Variants in HUNK observed in about 807,000 individuals in gnomAD.
The protein encoded by HUNK is hormonally up-regulated neu tumor-associated kinase.
A neutral mutation model predicts 61.0 loss-of-function variants in HUNK; 21 were observed. That is an observed-to-expected ratio of 0.34 (90% CI 0.24 to 0.50). The LOEUF (loss-of-function observed/expected upper bound fraction) is 0.50. Ranked by LOEUF, HUNK falls within the 20% of genes least tolerant of loss-of-function variation. The probability of loss-of-function intolerance (pLI) is 0.98; values close to 1 mark genes in which losing one functional copy is unlikely to be tolerated. For synonymous variants in HUNK, 371 were observed against 386.1 expected (o/e 0.96, Z 0.46); for missense variants, 772 against 945.7 (o/e 0.82, Z 2.41).
intron 8 of HUNK, among the ~76,000 whole-genome samples, chr21:31,984,398 A>T (rs976422586): frequency 2.6e-5 from 4 of 152,232 alleles, no homozygotes; most frequent in Non-Finnish European, 5.9e-5. Context: ...AAGGAAAAAA[A>T]TGCAAATGCT....
intron 4 of HUNK, among the ~76,000 whole-genome samples, chr21:31,952,532 C>G (rs570983729): frequency 2.6e-5 from 4 of 152,158 alleles, no homozygotes; most frequent in African/African-American, 9.7e-5. Flanking sequence ...AGCGACTTCT[C>G]CAGGGAGCAG....
At chr21:31,930,870 G>A (rs2052691635) in intron 2 of HUNK, among the ~76,000 whole-genome samples, 1 of 152,022 alleles carries the variant, frequency 6.6e-6, no homozygotes, top group South Asian at 2.1e-4. Context: ...TCTAGTGAAT[G>A]GGTCTTTCAG....
chr21:31,977,156 A>T (rs540092031), intron 7 of HUNK, among the ~76,000 whole-genome samples: 2 of 152,346 alleles, frequency 1.3e-5, no homozygotes, highest in Non-Finnish European at 1.5e-5. Context: ...CTTATAGCGT[A>T]CATGATATAT....
intron 1 of HUNK, among the ~76,000 whole-genome samples, chr21:31,911,189 C>T (rs2052543491): frequency 6.6e-6 from 1 of 152,188 alleles, no homozygotes; most frequent in Non-Finnish European, 1.5e-5. Context: ...GGGGGCTGTT[C>T]TGGATGTGGT....
chr21:31,886,281 G>T (rs1242412471), intron 1 of HUNK, among the ~76,000 whole-genome samples: 1 of 152,056 alleles, frequency 6.6e-6, no homozygotes, highest in Non-Finnish European at 1.5e-5. Context: ...AATTATCTGG[G>T]TGTGGTGGTG....
intron 4 of HUNK, among the ~76,000 whole-genome samples, chr21:31,949,106 G>C (rs1164653779): frequency 6.6e-6 from 1 of 152,208 alleles, no homozygotes. Flanking sequence ...AGGCACACAC[G>C]AGCCCGAATG....
chr21:31,948,277 C>A (rs1242393095), intron 4 of HUNK, among the ~76,000 whole-genome samples: 2 of 152,226 alleles, frequency 1.3e-5, no homozygotes, highest in African/African-American at 2.4e-5. Context: ...GCTAACCTGG[C>A]ATTGTTTCCT....
At chr21:31,881,577 T>G (rs1243651816) in intron 1 of HUNK, among the ~76,000 whole-genome samples, 1 of 152,078 alleles carries the variant, frequency 6.6e-6, no homozygotes, top group African/African-American at 2.4e-5. Flanking sequence ...GAGCCGAGAT[T>G]GTGCCACTGC....
At chr21:31,977,102 C>T (rs930793004) in intron 7 of HUNK, among the ~76,000 whole-genome samples, 8 of 152,208 alleles carry the variant, frequency 5.3e-5, no homozygotes, top group African/African-American at 1.9e-4. Flanking sequence ...ACTATATTCC[C>T]CAAACTTCTT....
Position 32,000,366 on chromosome 21 carries a change from A to G in HUNK, c.*1182A>G. 2 of 399,092 alleles carry G rather than the reference A, an allele frequency of 5.0e-6. No homozygotes were observed. Among genetic ancestry groups the G allele is most frequent in the Admixed American group, 8.8e-5 (2 of 22,736 alleles). The allele number at this position is 399,092 out of a possible 1,614,324, so 24.7% of individuals were successfully genotyped here. ...AAGCTCCTCAAACAGGGTTCAGTCC[A>G]CGTTGTGTTTTCACACCTTTCTCCA... On this transcript the variant is annotated 3_prime_UTR_variant, in exon 11 of 11. Coordinates refer to ENST00000270112, the MANE Select transcript of HUNK (RefSeq NM_014586.2).
At chr21:31,938,872 A>G (rs1389146304) in intron 2 of HUNK, among the ~76,000 whole-genome samples, 1 of 152,242 alleles carries the variant, frequency 6.6e-6, no homozygotes, top group Non-Finnish European at 1.5e-5. Context: ...ATTGACCTAG[A>G]TGGTTTTGAT....
At chr21:31,991,034 G>T (rs1455211863) in intron 9 of HUNK, among the ~76,000 whole-genome samples, 1 of 152,200 alleles carries the variant, frequency 6.6e-6, no homozygotes, top group African/African-American at 2.4e-5. Flanking sequence ...GCAGAATCCT[G>T]TTGTGAGTGA....
In HUNK at chr21:31,968,234, C is replaced by T; in HGVS notation, c.875-16C>T. The stretch of plus-strand genomic sequence containing the variant: ...AGCCTGTAACATGCGTGCATTCTTT[C>T]CCAAATGTCTCCCAGGTGCCATCAG... On this transcript the variant is annotated splice_polypyrimidine_tract_variant and intron_variant, in intron 5 of 10. Transcript: ENST00000270112. The T allele has an allele frequency of 6.2e-7, 1 of 1,614,094 alleles. No individual in the cohort carries two copies. Among genetic ancestry groups the T allele is most frequent in the Non-Finnish European group, 8.5e-7 (1 of 1,179,980 alleles).
intron 3 of HUNK, among the ~76,000 whole-genome samples, chr21:31,941,627 GT>G (rs1352056008): frequency 6.6e-6 from 1 of 152,060 alleles, no homozygotes; most frequent in Admixed American, 6.6e-5. Context: ...TTGTTAAATT[GT>G]TTTACTATTG....
chr21:31,884,270 G>A (rs2052330177), intron 1 of HUNK, among the ~76,000 whole-genome samples: 1 of 152,042 alleles, frequency 6.6e-6, no homozygotes, highest in African/African-American at 2.4e-5. Context: ...TATAAAAGGT[G>A]CCTGACTGAG....
intron 5 of HUNK, among the ~76,000 whole-genome samples, chr21:31,965,613 T>TTTTTTTTTTTA (rs1555880359): frequency 1.4e-5 from 2 of 143,960 alleles, no homozygotes; most frequent in African/African-American, 5.4e-5. Flanking sequence ...TTTTTTTTTT[T>TTTTTTTTTTTA]AATTTTGAGA....
In HUNK at chr21:31,978,804, G is replaced by A. The variant is rs116720923; in HGVS notation, c.1173+4087G>A. On this transcript the variant is annotated intron_variant, in intron 7 of 10. Transcript: ENST00000270112. ...TTGAACATGGGGTGGGGGTGCATATGTGTCTTCAACATACTGATTTCATCT... is the reference window on the plus strand; with the variant it reads ...TTGAACATGGGGTGGGGGTGCATATATGTCTTCAACATACTGATTTCATCT... 2.3e-3 allele frequency among the ~76,000 whole-genome samples: 348 copies of A among 152,238 alleles called. 2 individuals carry two copies. Among genetic ancestry groups the A allele is most frequent in the African/African-American group, 7.7e-3 (322 of 41,562 alleles).
Position 31,998,822 on chromosome 21 carries a change from A to G in HUNK, c.1783A>G (p.Ser595Gly), listed in dbSNP as rs112400046. 169 of 1,614,170 alleles carry G rather than the reference A, an allele frequency of 1.0e-4. 1 individual carries two copies. In the African/African-American group the frequency reaches 1.9e-3, roughly 18 times the overall value. The change falls in exon 11 of 11, where the codon AGC becomes GGC. Residue 595 changes from serine to glycine, a missense_variant. Transcript: ENST00000270112. ...GGTCAGCTTGGCTCGCAGAAATTCC[A>G]GCGAGAGGACGCTGTCCCCGGGTCT... ...SPVSLARRNS[S>G]ERTLSPGLPS...
rs753282638 is a variant in HUNK, at chr21:31,873,927, G to A, written c.253G>A (p.Gly85Arg). ...KVREGLHVLT[G>R]EKVAIKVIDK... ...GCGCGAGGGGCTGCACGTGCTGACC[G>A]GGGAGAAGGTGAGTCTCCCGGGCGC... Residue 85 changes from glycine to arginine, a missense_variant, in exon 1 of 11, where the codon GGG becomes AGG. By Grantham distance (125) the Gly-to-Arg change is moderately radical (BLOSUM62 -2). This residue lies in a region of HUNK where 359 missense variants were observed against 501.3 expected (regional missense o/e 0.72). Coordinates refer to ENST00000270112, the MANE Select transcript of HUNK (RefSeq NM_014586.2). This position sits in a 1 kb window ranked among gnomAD's most constrained non-coding sequence, Gnocchi z 6.1. 5.2e-6 allele frequency: 8 copies of A among 1,545,958 alleles called. No homozygotes were observed. Among genetic ancestry groups the A allele is most frequent in the Non-Finnish European group, 6.1e-6 (7 of 1,148,970 alleles).
Sources: gnomAD v4.1 joint callset for allele counts (sites outside exome capture counted in the v4.1 genomes callset) on GRCh38, gnomAD v4.1.1 for gene constraint, gnomAD v4.1.1 regional missense constraint, Gnocchi (gnomAD v3.1) non-coding constraint, MANE v1.5 for transcripts, NCBI Gene and HGNC (gene_info 2026-07-23, HGNC 2026-07-21) for gene names.